Variants in PLEKHA5 observed in about 807,000 individuals in gnomAD.
PLEKHA5 encodes the protein pleckstrin homology domain containing A5.
In PLEKHA5, 55 loss-of-function variants were observed where a neutral mutation model predicts 181.9. That is an observed-to-expected ratio of 0.30 (90% CI 0.24 to 0.38). The LOEUF is 0.38. PLEKHA5 is among the 10% of genes least tolerant of loss of function. The probability of loss-of-function intolerance (pLI) is 1.00; values close to 1 mark genes in which losing one functional copy is unlikely to be tolerated. For missense variants in PLEKHA5, 1,432 were observed against 1,549.5 expected (o/e 0.92, Z 1.27); for synonymous variants, 535 against 529.4 (o/e 1.01, Z -0.15).
intron 12 of PLEKHA5, among the ~76,000 whole-genome samples, chr12:19,286,830 G>T (rs1234928846): frequency 6.6e-6 from 1 of 151,918 alleles, no homozygotes; most frequent in Admixed American, 6.6e-5. Context: ...GTCAGACGTG[G>T]TGGCATGCGC....
chr12:19,214,127 A>G (rs2057489226), intron 3 of PLEKHA5, among the ~76,000 whole-genome samples: 2 of 152,196 alleles, frequency 1.3e-5, no homozygotes, highest in African/African-American at 2.4e-5. Flanking sequence ...GTAGAACCAT[A>G]AAAGAAACAA....
chr12:19,236,194 G>A (rs76845976), intron 3 of PLEKHA5, among the ~76,000 whole-genome samples: 6 of 152,126 alleles, frequency 3.9e-5, no homozygotes, highest in African/African-American at 1.2e-4. Context: ...TGTTCACCAC[G>A]ATGTTAACAA....
At chr12:19,202,564 C>A (rs1296723590) in intron 3 of PLEKHA5, among the ~76,000 whole-genome samples, 1 of 150,012 alleles carries the variant, frequency 6.7e-6, no homozygotes, top group African/African-American at 2.5e-5. Flanking sequence ...AATGGTTCTG[C>A]TATAACCCAA....
Position 19,285,805 on chromosome 12 carries a change from A to G in PLEKHA5, c.1780-1668A>G, listed in dbSNP as rs957548844. Among the ~76,000 whole-genome samples the G allele has an allele frequency of 3.3e-5, 5 of 152,228 alleles. No individual in the cohort carries two copies. The East Asian group carries it at 5.8e-4, about 18-fold the overall frequency. ...ACATTTTGTTACATATTCTTTTACT[A>G]TTACTTGTGATGAAATGGTAAATGC... On this transcript the variant is annotated intron_variant, in intron 12 of 31. Coordinates refer to ENST00000429027, the MANE Select transcript of PLEKHA5 (RefSeq NM_001256470.2).
chr12:19,290,349 A>G (rs2078145363), intron 13 of PLEKHA5, among the ~76,000 whole-genome samples: 1 of 152,156 alleles, frequency 6.6e-6, no homozygotes, highest in Non-Finnish European at 1.5e-5. Context: ...TCTTTTAATA[A>G]TTTTTTAGTA....
At chr12:19,289,896 G>A (rs1221894076) in intron 13 of PLEKHA5, among the ~76,000 whole-genome samples, 2 of 151,832 alleles carry the variant, frequency 1.3e-5, no homozygotes, top group African/African-American at 2.4e-5. Context: ...ATTTAATAAT[G>A]TGAAGATATC....
Position 19,348,391 on chromosome 12 carries a change from C to T in PLEKHA5, c.2899-8C>T. The T allele has an allele frequency of 6.4e-7, 1 of 1,566,486 alleles. No homozygotes were observed. The highest frequency in any genetic ancestry group is 8.6e-7 in the Non-Finnish European group (1 of 1,161,708). On this transcript the variant is annotated splice_polypyrimidine_tract_variant and splice_region_variant and intron_variant, in intron 24 of 31. Transcript: ENST00000429027. ...TTTTTTAGGGTAATTACATGTCTTC[C>T]TTTCAAGGGTCCAGATTATAGACTC...
intron 3 of PLEKHA5, among the ~76,000 whole-genome samples, chr12:19,165,192 T>A (rs1323359020): frequency 7.2e-5 from 11 of 152,302 alleles, no homozygotes; most frequent in African/African-American, 2.6e-4. Flanking sequence ...GAGATGACGA[T>A]CCCACCAGTG....
In PLEKHA5 at chr12:19,265,913, G is replaced by C. The variant is rs1000598616; in HGVS notation, c.711+63G>C. The C allele has an allele frequency of 2.5e-5, 20 of 815,160 alleles. 1 individual carries two copies. Among genetic ancestry groups the C allele is most frequent in the Non-Finnish European group, 4.2e-5 (20 of 479,570 alleles). The allele number at this position is 815,160 out of a possible 1,614,324, so 50.5% of individuals were successfully genotyped here. ...ACTTGCGTTGGTTAAAATGGATATT[G>C]AGCCATAGATTATTACAAAAAAGCT... On this transcript the variant is annotated intron_variant, in intron 8 of 31. Transcript: ENST00000429027.
intron 21 of PLEKHA5, among the ~76,000 whole-genome samples, chr12:19,339,371 T>A (rs948060086): frequency 1.3e-5 from 2 of 152,312 alleles, no homozygotes; most frequent in African/African-American, 4.8e-5. Flanking sequence ...AAATTTGTTC[T>A]TAACTCACAG....
chr12:19,137,506 A>G (rs2151059692), intron 3 of PLEKHA5, among the ~76,000 whole-genome samples: 1 of 152,352 alleles, frequency 6.6e-6, no homozygotes, highest in African/African-American at 2.4e-5. Context: ...CATTAGTTAC[A>G]AAACAACTAC....
intron 3 of PLEKHA5, among the ~76,000 whole-genome samples, chr12:19,165,924 A>C (rs1782756544): frequency 6.6e-6 from 1 of 152,206 alleles, no homozygotes; most frequent in African/African-American, 2.4e-5. Context: ...GCAAAAGGAC[A>C]TTCAGCAAGT....
intron 3 of PLEKHA5, among the ~76,000 whole-genome samples, chr12:19,187,017 C>T (rs1469513585): frequency 6.6e-6 from 1 of 152,106 alleles, no homozygotes; most frequent in African/African-American, 2.4e-5. Context: ...ATTCCACCTG[C>T]ATTTATTGGT....
intron 11 of PLEKHA5, among the ~76,000 whole-genome samples, chr12:19,275,695 G>A (rs2152743129): frequency 6.6e-6 from 1 of 152,214 alleles, no homozygotes; most frequent in South Asian, 2.1e-4. Flanking sequence ...TTGAGCCCAG[G>A]AGTTGGGAGC....
chr12:19,134,238 C>T (rs1327968679), intron 3 of PLEKHA5, among the ~76,000 whole-genome samples: 1 of 151,930 alleles, frequency 6.6e-6, no homozygotes, highest in Non-Finnish European at 1.5e-5. Flanking sequence ...TTTACTTAAA[C>T]AAATTAGAAT....
intron 11 of PLEKHA5, among the ~76,000 whole-genome samples, chr12:19,280,431 G>A (rs917684811): frequency 2.0e-5 from 3 of 152,060 alleles, no homozygotes; most frequent in Non-Finnish European, 4.4e-5. Flanking sequence ...GATTATCAGC[G>A]AAGGATTCCC....
chr12:19,309,732 G>A (rs77271751), intron 15 of PLEKHA5, among the ~76,000 whole-genome samples: 9,616 of 142,916 alleles, frequency 0.067, 528 homozygotes, highest in East Asian at 0.21. Flanking sequence ...GCGACAGAGT[G>A]AGACTCTGTC....
At chr12:19,289,431 G>A (rs553415814) in intron 13 of PLEKHA5, among the ~76,000 whole-genome samples, 113 of 152,316 alleles carry the variant, frequency 7.4e-4, no homozygotes, top group Middle Eastern at 3.4e-3. Flanking sequence ...CAATGCTGTC[G>A]TGTAGGCAAA....
At chr12:19,296,802 A>G (rs1021841940) in intron 15 of PLEKHA5, among the ~76,000 whole-genome samples, 1 of 152,186 alleles carries the variant, frequency 6.6e-6, no homozygotes, top group Non-Finnish European at 1.5e-5. Flanking sequence ...ACTCTCCATG[A>G]GTGAAGAGGT....
Sources: gnomAD v4.1 joint callset for allele counts (sites outside exome capture counted in the v4.1 genomes callset) on GRCh38, gnomAD v4.1.1 for gene constraint, MANE v1.5 for transcripts, NCBI Gene and HGNC (gene_info 2026-07-23, HGNC 2026-07-21) for gene names.